The following ARID1B variants were observed in gnomAD, a reference collection of about 807,000 sequenced individuals.
ARID1B encodes the protein AT-rich interaction domain 1B, also known as AT-rich interactive domain-containing protein 1B.
A neutral mutation model predicts 212.3 loss-of-function variants in ARID1B; 30 were observed. That is an observed-to-expected ratio of 0.14 (90% confidence interval 0.11 to 0.19). ARID1B has a LOEUF of 0.19. ARID1B is among the 10% of genes least tolerant of loss of function. ARID1B has a pLI of 1.00. For missense variants in ARID1B, 2,891 were observed against 3,204.0 expected (o/e 0.90, Z 2.36); for synonymous variants, 1,402 against 1,301.7 (o/e 1.08, Z -1.66).
At position 156,829,306 on chromosome 6, in the gene ARID1B, A is replaced by G; in HGVS notation, c.1871A>G (p.Gln624Arg). The change falls in exon 2 of 20, where the codon CAG (glutamine) becomes CGG (arginine). Residue 624 changes from glutamine to arginine, a missense_variant. By Grantham distance (43) the Gln-to-Arg change is conservative (BLOSUM62 1). Transcript: ENST00000636930. ...MGSNPHSQPQ[Q>R]SSPYPGGSYG... Reference sequence around the variant, plus strand: ...AGTAACCCTCATTCTCAGCCTCAGCAGAGCAGTCCGTACCCAGGAGGTTCC... The same window carrying G: ...AGTAACCCTCATTCTCAGCCTCAGCGGAGCAGTCCGTACCCAGGAGGTTCC... 6.2e-7 allele frequency: 1 copy of G among 1,614,262 alleles called. No homozygotes were observed. Among genetic ancestry groups the G allele is most frequent in the Non-Finnish European group, 8.5e-7 (1 of 1,180,042 alleles).
At chr6:157,165,519 C>T (rs1482418290) in intron 8 of ARID1B, among the ~76,000 whole-genome samples, 2 of 151,746 alleles carry the variant, frequency 1.3e-5, no homozygotes, top group African/African-American at 2.4e-5. Flanking sequence ...CAGTTGAGTC[C>T]GCTGAAAATA....
chr6:157,171,861 C>A (rs1289073335), intron 9 of ARID1B, among the ~76,000 whole-genome samples: 1 of 152,230 alleles, frequency 6.6e-6, no homozygotes, highest in East Asian at 1.9e-4. Context: ...TGTATGCTTA[C>A]AAGTTGCGTT....
At chr6:157,044,598 T>C (rs1782103470) in intron 4 of ARID1B, among the ~76,000 whole-genome samples, 2 of 152,204 alleles carry the variant, frequency 1.3e-5, no homozygotes, top group Admixed American at 6.5e-5. Flanking sequence ...CTTAGAGGGC[T>C]CCAGTTTGAA....
intron 2 of ARID1B, among the ~76,000 whole-genome samples, chr6:156,858,490 G>A (rs973559121): frequency 3.3e-5 from 5 of 152,180 alleles, no homozygotes; most frequent in Non-Finnish European, 7.4e-5. Context: ...AAGAGGCTGG[G>A]CTCGGCAGCT....
In ARID1B at chr6:157,148,916, A is replaced by C; in HGVS notation, c.3054A>C (p.Ala1018=). 6.2e-7 allele frequency: 1 copy of C among 1,612,676 alleles called. No homozygotes were observed. The highest frequency in any genetic ancestry group is 8.5e-7 in the Non-Finnish European group (1 of 1,179,816). The change falls in exon 8 of 20, where the codon GCA becomes GCC. Residue 1018 remains alanine (A), a synonymous_variant. Coordinates refer to ENST00000636930, the MANE Select transcript of ARID1B (RefSeq NM_001374828.1). The surrounding 1 kb of genome is among the most constrained non-coding windows in gnomAD (Gnocchi z 5.6). ...VNRKAQEAAA[A]VMQAAANSAQ... is the part of the protein sequence containing the mutation. ...GTAAGGCACAGGAGGCAGCCGCAGC[A>C]GTGATGCAGGCTGCTGCGAACTCAG... is the stretch of plus-strand genomic sequence containing the variant.
Position 156,829,351 on chromosome 6 carries a change from A to C in ARID1B, c.1916A>C (p.Gln639Pro). The part of the protein sequence containing the change: ...PGGSYGPPGP[Q>P]RYPIGIQGRT... ...GGTTCCTATGGCCCTCCAGGCCCACAGCGGTATCCAATTGGCATCCAGGGT... is the reference window on the plus strand; with the variant it reads ...GGTTCCTATGGCCCTCCAGGCCCACCGCGGTATCCAATTGGCATCCAGGGT... The change falls in exon 2 of 20, where the codon CAG becomes CCG. Residue 639 changes from glutamine (Q) to proline (P), a missense_variant. Gln to Pro is a moderately conservative substitution (Grantham distance 76). Around this residue, in one of 7 missense-constraint regions of ARID1B, gnomAD observed 1,643 missense variants for 1,544.0 expected, o/e 1.06. Transcript: ENST00000636930. The C allele has an allele frequency of 6.2e-7, 1 of 1,614,214 alleles. No individual in the cohort carries two copies. The highest frequency in any genetic ancestry group is 8.5e-7 in the Non-Finnish European group (1 of 1,180,040).
intron 4 of ARID1B, among the ~76,000 whole-genome samples, chr6:157,068,578 C>A (rs1302178120): frequency 1.3e-5 from 2 of 152,220 alleles, no homozygotes; most frequent in African/African-American, 4.8e-5. Context: ...AAAGTATATC[C>A]TGCTCTTATG....
chr6:157,082,239 C>G (rs1784682834), intron 4 of ARID1B, among the ~76,000 whole-genome samples: 1 of 152,104 alleles, frequency 6.6e-6, no homozygotes, highest in Non-Finnish European at 1.5e-5. Context: ...CTGTTTTTCC[C>G]CCAAGGAATA....
intron 3 of ARID1B, among the ~76,000 whole-genome samples, chr6:156,931,670 T>C (rs1395713893): frequency 2.0e-5 from 3 of 151,794 alleles, no homozygotes; most frequent in African/African-American, 4.8e-5. Flanking sequence ...ATTAAAAAAA[T>C]AAATAAATTA....
At chr6:157,173,380 TCAGA>T (rs1166359195) in intron 9 of ARID1B, 2 of 152,262 alleles carry the variant, frequency 1.3e-5, no homozygotes, top group Non-Finnish European at 1.5e-5. Flanking sequence ...CCACAGGCTC[TCAGA>T]CAGACTGAAA....
chr6:157,094,952 G>C lies in ARID1B; in HGVS notation c.2491+10047G>C, dbSNP rs1275217724. 6.6e-6 allele frequency among the ~76,000 whole-genome samples: 1 copy of C among 152,114 alleles called. No homozygotes were observed. The highest frequency in any genetic ancestry group is 1.9e-4 in the East Asian group (1 of 5,188). On this transcript the variant is annotated intron_variant, in intron 5 of 19. Coordinates refer to ENST00000636930, the MANE Select transcript of ARID1B (RefSeq NM_001374828.1). The surrounding 1 kb of genome is among the most constrained non-coding windows in gnomAD (Gnocchi z 4.3). ...GTTTTTGAAGGGGAATCGAGAGTTTGGTTTTAAACATACTGTATTTGAGGT... is the reference window on the plus strand; with the variant it reads ...GTTTTTGAAGGGGAATCGAGAGTTTCGTTTTAAACATACTGTATTTGAGGT...
At chr6:157,052,920 A>G (rs918835665) in intron 4 of ARID1B, among the ~76,000 whole-genome samples, 1 of 151,632 alleles carries the variant, frequency 6.6e-6, no homozygotes, top group Non-Finnish European at 1.5e-5. Flanking sequence ...GGGTTTCACC[A>G]TGTTGGCCAG....
intron 13 of ARID1B, 116 bp downstream of exon 13, chr6:157,184,551 G>C (rs541735745): frequency 8.4e-7 from 1 of 1,196,382 alleles, no homozygotes; most frequent in South Asian, 1.3e-5. Context: ...TTTGAGAGGT[G>C]GGGGGTTCCT....
At chr6:157,004,533 T>C (rs1779089866) in intron 4 of ARID1B, among the ~76,000 whole-genome samples, 1 of 152,250 alleles carries the variant, frequency 6.6e-6, no homozygotes, top group East Asian at 1.9e-4. Context: ...AGATTAAATA[T>C]TAATTTCATT....
chr6:156,975,939 C>T (rs544731564), intron 4 of ARID1B, among the ~76,000 whole-genome samples: 3 of 149,140 alleles, frequency 2.0e-5, no homozygotes, highest in African/African-American at 2.5e-5. Flanking sequence ...TTGTGATAGG[C>T]GGTGGAGTTG....
Position 156,970,165 on chromosome 6 carries a change from G to C in ARID1B, c.2247+34589G>C, listed in dbSNP as rs9968926. Among the ~76,000 whole-genome samples, 467 of 151,982 alleles carry C rather than the reference G, an allele frequency of 3.1e-3. 1 individual carries two copies. The highest frequency in any genetic ancestry group is 0.011 in the African/African-American group (438 of 41,466). On this transcript the variant is annotated intron_variant, in intron 4 of 19. Transcript: ENST00000636930. ...GCATGATCTTGGCTCACTGCAACCT[G>C]TGCCTCCTGGGTTCAAGCAATTCTC...
At chr6:156,944,925 CTTTTTT>C (rs543626936) in intron 4 of ARID1B, among the ~76,000 whole-genome samples, 1 of 135,374 alleles carries the variant, frequency 7.4e-6, no homozygotes, top group South Asian at 2.3e-4. Context: ...TTTTCTTTTC[CTTTTTT>C]TTTTTTTTTG....
rs199731974 is a variant in ARID1B at position 157,161,431 on chromosome 6, G to GTATATATATATATATATA, written c.3090-5603_3090-5586dup. On this transcript the variant is annotated intron_variant, in intron 8 of 19. Transcript: ENST00000636930. ...TATTTTCTGTTTTGATTGTGTGTGT[G>GTATATATATATATATATA]TATATATATATATATATATATATTT... Among the ~76,000 whole-genome samples, 710 of 139,276 alleles carry GTATATATATATATATATA rather than the reference G, an allele frequency of 5.1e-3. 3 individuals carry two copies. Among genetic ancestry groups the GTATATATATATATATATA allele is most frequent in the Non-Finnish European group, 7.7e-3 (496 of 64,768 alleles). 91.4% of individuals were successfully genotyped at this position (139,276 alleles called of 152,430 possible). A position where few individuals can be genotyped will look rare whatever the true frequency, so the allele number is the denominator to read the frequency against.
rs111636687 is a variant in ARID1B, at chr6:157,160,411, C to A, written c.3090-6629C>A. ...ACAACTTTTCTTTTCCCCAGAGGACCTAATTCATCACCAAATCCTGTCCGT... is the reference window on the plus strand; with the variant it reads ...ACAACTTTTCTTTTCCCCAGAGGACATAATTCATCACCAAATCCTGTCCGT... On this transcript the variant is annotated intron_variant, in intron 8 of 19. Transcript: ENST00000636930. Among the ~76,000 whole-genome samples the A allele has an allele frequency of 7.0e-3, 1,059 of 152,304 alleles. 11 individuals are homozygous for A. Among genetic ancestry groups the A allele is most frequent in the African/African-American group, 0.024 (1,012 of 41,554 alleles).
Sources: allele counts gnomAD v4.1 joint callset (sites outside exome capture counted in the v4.1 genomes callset), GRCh38; gene constraint gnomAD v4.1.1; regional missense constraint gnomAD v4.1.1; non-coding constraint Gnocchi (gnomAD v3.1); transcripts MANE v1.5; gene names NCBI Gene and HGNC (gene_info 2026-07-23, HGNC 2026-07-21).